The following SNAP23 variants were observed in gnomAD, a reference collection of about 807,000 sequenced individuals.
SNAP23 encodes synaptosome associated protein 23, also known as synaptosomal-associated protein 23.
A neutral mutation model predicts 29.0 loss-of-function variants in SNAP23; 11 were observed. The ratio of observed to expected loss-of-function variants is 0.38; its 90% CI spans 0.24 to 0.63. The LOEUF (loss-of-function observed/expected upper bound fraction) is 0.63, where lower values mean the gene tolerates loss of function less well. SNAP23 is among the 20% of genes least tolerant of loss of function. The pLI is 0.58. For synonymous variants in SNAP23, 60 were observed against 82.9 expected (o/e 0.72, Z 1.50); for missense variants, 220 against 253.9 (o/e 0.87, Z 0.91).
chr15:42,506,065 C>T (rs142891498), intron 1 of SNAP23, among the ~76,000 whole-genome samples: 2,092 of 151,610 alleles, frequency 0.014, 43 homozygotes, highest in African/African-American at 0.047. Context: ...CCTGCCTCAG[C>T]CTCCCGAGTA....
intron 1 of SNAP23, among the ~76,000 whole-genome samples, chr15:42,511,198 T>C (rs12102127): frequency 6.6e-6 from 1 of 152,218 alleles, no homozygotes; most frequent in African/African-American, 2.4e-5. Flanking sequence ...AGAATAATTG[T>C]TTGGTTTCTT....
intron 5 of SNAP23, among the ~76,000 whole-genome samples, chr15:42,525,383 A>T (rs1352869581): frequency 2.0e-5 from 3 of 150,366 alleles, no homozygotes; most frequent in South Asian, 2.1e-4. Context: ...AAAAAAAAAA[A>T]ATTCAAAGTC....
chr15:42,532,480 A>G lies in SNAP23; in HGVS notation c.*1002A>G, dbSNP rs1398491869. 1 of 152,318 alleles carries G rather than the reference A, an allele frequency of 6.6e-6. No homozygotes were observed. The highest frequency in any genetic ancestry group is 1.5e-5 in the Non-Finnish European group (1 of 68,044). 9.4% of individuals were successfully genotyped at this position (152,318 alleles called of 1,614,324 possible). On this transcript the variant is annotated 3_prime_UTR_variant, in exon 8 of 8. Coordinates refer to ENST00000249647, the MANE Select transcript of SNAP23 (RefSeq NM_003825.4). The stretch of plus-strand genomic sequence containing the variant: ...ATTTCTTATTGCACCATTCAGGAAC[A>G]CTTTATATAAATGAGTGGCTTTTTA...
At chr15:42,525,378 A>AAC (rs2057491555) in intron 5 of SNAP23, among the ~76,000 whole-genome samples, 1 of 150,838 alleles carries the variant, frequency 6.6e-6, no homozygotes, top group African/African-American at 2.4e-5. Context: ...AAAAAAAAAA[A>AAC]AAAAAATTCA....
At chr15:42,519,920 T>TG in intron 5 of SNAP23, among the ~76,000 whole-genome samples, 1 of 152,168 alleles carries the variant, frequency 6.6e-6, no homozygotes, top group Non-Finnish European at 1.5e-5. Context: ...ATTCTGAACA[T>TG]GTTAATTTAA....
At chr15:42,501,248 TAC>T (rs1022285673) in intron 1 of SNAP23, among the ~76,000 whole-genome samples, 1 of 152,176 alleles carries the variant, frequency 6.6e-6, no homozygotes, top group Non-Finnish European at 1.5e-5. Flanking sequence ...CCTCCATACA[TAC>T]ACACACACAT....
intron 3 of SNAP23, 84 bp downstream of exon 3, chr15:42,513,080 G>A: frequency 1.0e-6 from 1 of 984,514 alleles, no homozygotes; most frequent in African/African-American, 1.6e-5. Context: ...GTATTAAAGG[G>A]TAATGTATCA....
chr15:42,515,191 C>T (rs141238050), intron 4 of SNAP23, 46 bp from the exon 5 acceptor site: 2 of 1,178,600 alleles, frequency 1.7e-6, no homozygotes, highest in African/African-American at 3.1e-5. Context: ...TTCTGGTTGA[C>T]ACTGTGAATG....
intron 4 of SNAP23, among the ~76,000 whole-genome samples, chr15:42,514,362 G>T (rs1032652552): frequency 6.6e-6 from 1 of 151,340 alleles, no homozygotes; most frequent in Admixed American, 6.6e-5. Flanking sequence ...GGTTGATGTC[G>T]AACTCTTGAC....
In SNAP23 at chr15:42,531,513, T is replaced by G; in HGVS notation, c.*35T>G. On this transcript the variant is annotated 3_prime_UTR_variant, in exon 8 of 8. Coordinates refer to ENST00000249647, the MANE Select transcript of SNAP23 (RefSeq NM_003825.4). ...TGTTCTTCTTTATCATTTATTCACT[T>G]CCGTAGCTCCTCCTTGAAAGTTATT... 6.7e-7 allele frequency: 1 copy of G among 1,491,626 alleles called. No individual in the cohort carries two copies. The highest frequency in any genetic ancestry group is 9.2e-7 in the Non-Finnish European group (1 of 1,082,142). The allele number at this position is 1,491,626 out of a possible 1,614,324, so 92.4% of individuals were successfully genotyped here.
chr15:42,528,817 C>T (rs2057533337), intron 6 of SNAP23, among the ~76,000 whole-genome samples: 1 of 152,158 alleles, frequency 6.6e-6, no homozygotes, highest in Non-Finnish European at 1.5e-5. Flanking sequence ...GACTCCTGAC[C>T]TCAGGTGATC....
intron 5 of SNAP23, chr15:42,521,790 G>A (rs1181132708): frequency 2.1e-6 from 1 of 487,110 alleles, no homozygotes; most frequent in East Asian, 3.2e-5. Flanking sequence ...GTGGTGGTGT[G>A]TAGTGTAAAG....
chr15:42,503,802 C>T (rs1045559172), intron 1 of SNAP23, among the ~76,000 whole-genome samples: 1 of 152,036 alleles, frequency 6.6e-6, no homozygotes, highest in African/African-American at 2.4e-5. Flanking sequence ...TGCGCCTGGC[C>T]TGAAACCAAG....
intron 2 of SNAP23, 124 bp from the exon 3 acceptor site, chr15:42,512,831 T>G: frequency 1.5e-6 from 1 of 680,262 alleles, no homozygotes. Flanking sequence ...ATTATAGGCA[T>G]GAGCCACTGT....
At chr15:42,518,309 G>A (rs1408675402) in intron 5 of SNAP23, among the ~76,000 whole-genome samples, 31 of 152,068 alleles carry the variant, frequency 2.0e-4, no homozygotes, top group Admixed American at 2.0e-3. Flanking sequence ...CTTCTTAAAG[G>A]TAGACATGAG....
At chr15:42,510,656 G>A (rs2057352263) in intron 1 of SNAP23, among the ~76,000 whole-genome samples, 1 of 152,142 alleles carries the variant, frequency 6.6e-6, no homozygotes, top group Non-Finnish European at 1.5e-5. Context: ...TTAGGTGTTA[G>A]AGATACAAAG....
chr15:42,518,677 C>A (rs2057418204), intron 5 of SNAP23, among the ~76,000 whole-genome samples: 1 of 152,112 alleles, frequency 6.6e-6, no homozygotes, highest in Non-Finnish European at 1.5e-5. Context: ...CCTTGGCCTC[C>A]AGAAGTGCTG....
At chr15:42,505,345 A>T (rs923635435) in intron 1 of SNAP23, 4 of 152,004 alleles carry the variant, frequency 2.6e-5, no homozygotes, top group Non-Finnish European at 5.9e-5. Flanking sequence ...GATTACAGGC[A>T]TGAGCCACCA....
At chr15:42,504,008 A>G (rs2057297502) in intron 1 of SNAP23, among the ~76,000 whole-genome samples, 1 of 152,098 alleles carries the variant, frequency 6.6e-6, no homozygotes. Context: ...CCAGAGAGGA[A>G]GTAAAAGGAG....
Sources: gnomAD v4.1 joint callset for allele counts (sites outside exome capture counted in the v4.1 genomes callset) on GRCh38, gnomAD v4.1.1 for gene constraint, MANE v1.5 for transcripts, NCBI Gene and HGNC (gene_info 2026-07-23, HGNC 2026-07-21) for gene names.